PROK2: variants seen among roughly 807,000 people sequenced by gnomAD.
The protein encoded by PROK2 is prokineticin-2.
In PROK2, 8 loss-of-function variants were observed where a neutral mutation model predicts 14.2. The ratio of observed to expected loss-of-function variants is 0.56; its 90% CI spans 0.33 to 1.02. PROK2 has a LOEUF of 1.02. Among genes scored for constraint, PROK2 ranks in the 50% least tolerant of loss-of-function variants. PROK2 has a pLI of 0.03. For synonymous variants in PROK2, 59 were observed against 60.7 expected (o/e 0.97, Z 0.13); for missense variants, 154 against 160.4 (o/e 0.96, Z 0.22).
At chr3:71,781,336 A>C in intron 2 of PROK2, 131 bp downstream of exon 2, 4 of 1,187,472 alleles carry the variant, frequency 3.4e-6, no homozygotes, top group Non-Finnish European at 5.0e-6. Context: ...GTAGTTTTAC[A>C]CTGTTATCCT....
chr3:71,779,799 G>T (rs540955512), intron 2 of PROK2, among the ~76,000 whole-genome samples: 1 of 151,960 alleles, frequency 6.6e-6, no homozygotes, highest in East Asian at 1.9e-4. Flanking sequence ...CTATAGAGAC[G>T]GGGTCTCACT....
rs764971054 is a variant in PROK2, at chr3:71,772,703, T to C, written c.*21A>G. 3.1e-4 allele frequency: 487 copies of C among 1,594,396 alleles called. No individual in the cohort carries two copies. Among genetic ancestry groups the C allele is most frequent in the Non-Finnish European group, 3.7e-4 (435 of 1,162,232 alleles). On this transcript the variant is annotated 3_prime_UTR_variant, in exon 4 of 4. Transcript: ENST00000295619. ...ACAGGTAAGATGTGGCTATTCACAT[T>C]TGGTTTCTACTCCAGAGCGATTACT...
rs1211232070 is a variant in PROK2, at chr3:71,772,237, A to C, written c.*487T>G. ...AGACAAACCCTCCACTTTAAAATGCAAGAGGAGGGAAGAGAAATGGACAAA... is the reference window on the plus strand; with the variant it reads ...AGACAAACCCTCCACTTTAAAATGCCAGAGGAGGGAAGAGAAATGGACAAA... On this transcript the variant is annotated 3_prime_UTR_variant, in exon 4 of 4. Transcript: ENST00000295619. 6.2e-6 allele frequency: 1 copy of C among 160,126 alleles called. No individual in the cohort carries two copies. The highest frequency in any genetic ancestry group is 2.4e-5 in the African/African-American group (1 of 41,480). 9.9% of individuals were successfully genotyped at this position (160,126 alleles called of 1,614,324 possible).
chr3:71,780,555 C>G (rs183065832), intron 2 of PROK2, among the ~76,000 whole-genome samples: 1 of 152,350 alleles, frequency 6.6e-6, no homozygotes, highest in Non-Finnish European at 1.5e-5. Flanking sequence ...CGAAAACCAC[C>G]TGCCCTAGGA....
chr3:71,774,961 T>C (rs896045842), intron 2 of PROK2, among the ~76,000 whole-genome samples: 8 of 152,178 alleles, frequency 5.3e-5, no homozygotes, highest in Non-Finnish European at 7.3e-5. Context: ...CTAGGGACGA[T>C]TGTGTCCCCA....
chr3:71,776,483 T>C (rs571733735), intron 2 of PROK2, among the ~76,000 whole-genome samples: 13 of 149,258 alleles, frequency 8.7e-5, no homozygotes, highest in African/African-American at 2.7e-4. Context: ...GTTCAAGTGA[T>C]GCTCCCACCT....
intron 2 of PROK2, among the ~76,000 whole-genome samples, chr3:71,775,079 T>A (rs780336465): frequency 4.6e-5 from 7 of 152,136 alleles, no homozygotes; most frequent in Non-Finnish European, 7.3e-5. Flanking sequence ...CTGCTAAACA[T>A]TTTACAATGC....
At chr3:71,774,536 C>A (rs2050104094) in intron 2 of PROK2, 29 bp from the exon 3 acceptor site, 11 of 1,546,402 alleles carry the variant, frequency 7.1e-6, no homozygotes, top group African/African-American at 1.4e-5. Flanking sequence ...CGATTGAGAT[C>A]AATAAATACA....
chr3:71,778,379 A>G (rs960564689), intron 2 of PROK2, among the ~76,000 whole-genome samples: 3 of 152,138 alleles, frequency 2.0e-5, no homozygotes, highest in Non-Finnish European at 4.4e-5. Context: ...AAAGTTCAAA[A>G]CTATACAATT....
At chr3:71,778,467 C>T (rs1456797660) in intron 2 of PROK2, among the ~76,000 whole-genome samples, 2 of 151,980 alleles carry the variant, frequency 1.3e-5, no homozygotes, top group African/African-American at 2.4e-5. Flanking sequence ...AAACTGAACT[C>T]GGTAGCTATA....
chr3:71,781,933 T>G (rs1438270067), intron 1 of PROK2, among the ~76,000 whole-genome samples: 1 of 152,140 alleles, frequency 6.6e-6, no homozygotes, highest in East Asian at 1.9e-4. Flanking sequence ...ACTATATTAC[T>G]CTTATACTAC....
At chr3:71,779,582 G>A (rs991907162) in intron 2 of PROK2, among the ~76,000 whole-genome samples, 1 of 152,136 alleles carries the variant, frequency 6.6e-6, no homozygotes, top group African/African-American at 2.4e-5. Context: ...ATGTGAAGCT[G>A]TACTAATACT....
chr3:71,778,538 C>T (rs188617579), intron 2 of PROK2, among the ~76,000 whole-genome samples: 114 of 151,686 alleles, frequency 7.5e-4, no homozygotes, highest in Non-Finnish European at 1.2e-3. Flanking sequence ...CCCAAATAAA[C>T]GGATTTTCGG....
intron 2 of PROK2, among the ~76,000 whole-genome samples, chr3:71,774,959 G>A (rs1442259322): frequency 6.6e-6 from 1 of 152,180 alleles, no homozygotes; most frequent in South Asian, 2.1e-4. Context: ...CACTAGGGAC[G>A]ATTGTGTCCC....
intron 2 of PROK2, among the ~76,000 whole-genome samples, chr3:71,775,109 A>G (rs2050108418): frequency 6.6e-6 from 1 of 152,220 alleles, no homozygotes; most frequent in South Asian, 2.1e-4. Flanking sequence ...CCCCTACGAC[A>G]AAGAATTATC....
chr3:71,776,335 C>T (rs1307970723), intron 2 of PROK2, among the ~76,000 whole-genome samples: 1 of 142,290 alleles, frequency 7.0e-6, no homozygotes, highest in Non-Finnish European at 1.5e-5. Context: ...TCTTTTCTCT[C>T]TTCTTTTCTT....
intron 1 of PROK2, among the ~76,000 whole-genome samples, chr3:71,782,202 T>A (rs980751266): frequency 6.6e-6 from 1 of 152,200 alleles, no homozygotes; most frequent in Non-Finnish European, 1.5e-5. Flanking sequence ...TAAAGAAGTC[T>A]CATAGTTTGA....
intron 2 of PROK2, among the ~76,000 whole-genome samples, chr3:71,776,343 CT>C (rs1163953405): frequency 1.5e-5 from 2 of 129,758 alleles, no homozygotes; most frequent in African/African-American, 5.9e-5. Flanking sequence ...CTCTTCTTTT[CT>C]TTTTTTCTTT....
intron 3 of PROK2, among the ~76,000 whole-genome samples, chr3:71,773,869 C>T (rs2050098960): frequency 6.6e-6 from 1 of 152,184 alleles, no homozygotes; most frequent in South Asian, 2.1e-4. Flanking sequence ...AAATGGTATA[C>T]ACACCAAATA....
Sources: allele counts gnomAD v4.1 joint callset (sites outside exome capture counted in the v4.1 genomes callset), GRCh38; gene constraint gnomAD v4.1.1; transcripts MANE v1.5; gene names NCBI Gene and HGNC (gene_info 2026-07-23, HGNC 2026-07-21).